UBE2R2: variants seen among roughly 807,000 people sequenced by gnomAD.
The protein encoded by UBE2R2 is ubiquitin-conjugating enzyme E2 R2.
In UBE2R2, 1 loss-of-function variant was observed where a neutral mutation model predicts 27.8. The ratio of observed to expected loss-of-function variants is 0.04; its 90% CI spans 0.01 to 0.17. The LOEUF is 0.17. Among genes scored for constraint, UBE2R2 ranks in the 10% least tolerant of loss-of-function variants. The pLI, the probability that UBE2R2 is intolerant of heterozygous loss-of-function variation, is 1.00. For missense variants in UBE2R2, 100 were observed against 291.0 expected (o/e 0.34, Z 4.78); for synonymous variants, 106 against 113.3 (o/e 0.94, Z 0.41).
intron 1 of UBE2R2, among the ~76,000 whole-genome samples, chr9:33,845,115 C>A (rs1275884985): frequency 6.6e-6 from 1 of 152,096 alleles, no homozygotes. Context: ...CTTACAGTAT[C>A]CTCAGCTTGC....
intron 1 of UBE2R2, among the ~76,000 whole-genome samples, chr9:33,847,775 G>A (rs1265657838): frequency 1.4e-5 from 2 of 139,334 alleles, no homozygotes; most frequent in African/African-American, 2.6e-5. Context: ...TTTTTGAGAC[G>A]GAGTTTTGCT....
At chr9:33,846,392 TA>T (rs1820847310) in intron 1 of UBE2R2, among the ~76,000 whole-genome samples, 1 of 152,200 alleles carries the variant, frequency 6.6e-6, no homozygotes, top group African/African-American at 2.4e-5. Context: ...ATGAATAGTG[TA>T]TTTTTTTTAG....
At chr9:33,881,606 A>G (rs891416075) in intron 1 of UBE2R2, among the ~76,000 whole-genome samples, 6 of 152,022 alleles carry the variant, frequency 3.9e-5, no homozygotes, top group Non-Finnish European at 5.9e-5. Flanking sequence ...GACCTTGACA[A>G]TTTTTGAAGA....
At chr9:33,831,040 TTTC>T (rs200881832) in intron 1 of UBE2R2, 3,216 of 149,686 alleles carry the variant, frequency 0.021, 61 homozygotes, top group Non-Finnish European at 0.034. Flanking sequence ...GATTGCTTAG[TTTC>T]TTCTTCATTC....
chr9:33,916,386 G>C (rs1044763449), intron 4 of UBE2R2, among the ~76,000 whole-genome samples: 15 of 152,134 alleles, frequency 9.9e-5, no homozygotes, highest in African/African-American at 3.6e-4. Context: ...TCTGGCATAG[G>C]CATTTGAATT....
intron 2 of UBE2R2, among the ~76,000 whole-genome samples, chr9:33,890,142 T>C (rs1821946198): frequency 6.6e-6 from 1 of 152,154 alleles, no homozygotes; most frequent in Non-Finnish European, 1.5e-5. Context: ...CACTTTTTTT[T>C]CAGTACATAG....
intron 1 of UBE2R2, among the ~76,000 whole-genome samples, chr9:33,827,145 A>T (rs1374286334): frequency 1.3e-5 from 2 of 151,966 alleles, no homozygotes; most frequent in Non-Finnish European, 2.9e-5. Flanking sequence ...TATTATTATT[A>T]TTTTTTGACG....
chr9:33,859,407 CTG>C (rs1171972859), intron 1 of UBE2R2, among the ~76,000 whole-genome samples: 1 of 152,180 alleles, frequency 6.6e-6, no homozygotes, highest in Non-Finnish European at 1.5e-5. Flanking sequence ...AATCCCTAAC[CTG>C]CCTGATAGTT....
intron 1 of UBE2R2, among the ~76,000 whole-genome samples, chr9:33,825,268 CAG>C (rs1169035641): frequency 1.7e-5 from 2 of 119,082 alleles, no homozygotes; most frequent in African/African-American, 3.5e-5. Flanking sequence ...TTTTTTGAGA[CAG>C]AGTCTCTGTT....
intron 1 of UBE2R2, among the ~76,000 whole-genome samples, chr9:33,825,004 A>G (rs2130716317): frequency 6.6e-6 from 1 of 152,200 alleles, no homozygotes; most frequent in African/African-American, 2.4e-5. Flanking sequence ...GTCCTAATTA[A>G]TACTCTGCGT....
intron 1 of UBE2R2, among the ~76,000 whole-genome samples, chr9:33,847,000 T>G (rs937307895): frequency 6.6e-6 from 1 of 151,806 alleles, no homozygotes; most frequent in African/African-American, 2.4e-5. Flanking sequence ...ATTTTGCTTT[T>G]TTTTTTTTTG....
chr9:33,919,878 G>T lies in UBE2R2; in HGVS notation c.*2641G>T, dbSNP rs1457825476. 1 of 152,090 alleles carries T rather than the reference G, an allele frequency of 6.6e-6. No individual in the cohort carries two copies. Among genetic ancestry groups the T allele is most frequent in the African/African-American group, 2.4e-5 (1 of 41,424 alleles). The allele number at this position is 152,090 out of a possible 1,614,324, so 9.4% of individuals were successfully genotyped here. On this transcript the variant is annotated 3_prime_UTR_variant, in exon 5 of 5. Coordinates refer to ENST00000263228, the MANE Select transcript of UBE2R2 (RefSeq NM_017811.4). ...TTGAGGCCTCACTAGATGCTCTTCA[G>T]TTCTGTGTATTTTGAGGCTGGGTGG...
intron 1 of UBE2R2, among the ~76,000 whole-genome samples, chr9:33,845,250 C>G (rs978522966): frequency 7.1e-6 from 1 of 140,108 alleles, no homozygotes; most frequent in Non-Finnish European, 1.6e-5. Flanking sequence ...GTGGCACAAT[C>G]TTTTTTTTTT....
At chr9:33,866,529 G>A (rs534078602) in intron 1 of UBE2R2, among the ~76,000 whole-genome samples, 9 of 152,262 alleles carry the variant, frequency 5.9e-5, no homozygotes, top group East Asian at 3.9e-4. Flanking sequence ...GTGAGTCACC[G>A]CACCCAGCCA....
At chr9:33,895,768 CTTTTTTTTTTTTT>C (rs776870484) in intron 2 of UBE2R2, among the ~76,000 whole-genome samples, 1 of 90,270 alleles carries the variant, frequency 1.1e-5, no homozygotes, top group Non-Finnish European at 2.1e-5. Flanking sequence ...CTCTCTCTCT[CTTTTTTTTTTTTT>C]TTTTTTTTTG....
At chr9:33,823,336 C>G (rs938142933) in intron 1 of UBE2R2, among the ~76,000 whole-genome samples, 1 of 152,098 alleles carries the variant, frequency 6.6e-6, no homozygotes, top group Admixed American at 6.6e-5. Context: ...TTGCACCCAG[C>G]CTATTTTATG....
intron 1 of UBE2R2, among the ~76,000 whole-genome samples, chr9:33,856,731 ATGT>A (rs1490294149): frequency 7.8e-6 from 1 of 127,870 alleles, no homozygotes; most frequent in African/African-American, 2.9e-5. Flanking sequence ...TTTCCATTTT[ATGT>A]TGTTTCCTTT....
At position 33,817,296 on chromosome 9, in the gene UBE2R2, GCCCCGCGC is replaced by G. The variant is rs1825809480; in HGVS notation, c.-461_-454del. 7.4e-6 allele frequency among the ~76,000 whole-genome samples: 1 copy of G among 135,552 alleles called. No homozygotes were observed. Among genetic ancestry groups the G allele is most frequent in the Non-Finnish European group, 1.6e-5 (1 of 62,784 alleles). The allele number at this position is 135,552 out of a possible 152,430, so 88.9% of individuals were successfully genotyped here. A position where few individuals can be genotyped will look rare whatever the true frequency, so the allele number is the denominator to read the frequency against. ...CGCCGCTCTCCCCCCACCCTCTCCT[GCCCCGCGC>G]GCCCTCCGGCCCCTGCGGCCCCCGA... On this transcript the variant is annotated 5_prime_UTR_variant, in exon 1 of 5. Coordinates refer to ENST00000263228, the MANE Select transcript of UBE2R2 (RefSeq NM_017811.4).
At chr9:33,879,211 G>C (rs964726948) in intron 1 of UBE2R2, among the ~76,000 whole-genome samples, 4 of 152,140 alleles carry the variant, frequency 2.6e-5, no homozygotes, top group Non-Finnish European at 5.9e-5. Context: ...TCTAGCCTGG[G>C]TGACAGCATA....
Sources: allele counts gnomAD v4.1 joint callset (sites outside exome capture counted in the v4.1 genomes callset), GRCh38; gene constraint gnomAD v4.1.1; transcripts MANE v1.5; gene names NCBI Gene and HGNC (gene_info 2026-07-23, HGNC 2026-07-21).